Variants in NAA11 observed in about 807,000 individuals in gnomAD.
The protein encoded by NAA11 is N-alpha-acetyltransferase 11.
In NAA11, 15 loss-of-function variants were observed where a neutral mutation model predicts 16.1. The observed-to-expected ratio is 0.93, with a 90% CI of 0.62 to 1.44. NAA11 has a LOEUF of 1.44. Among genes scored for constraint, NAA11 ranks in the 40% most tolerant of loss-of-function variants. The pLI, the probability that NAA11 is intolerant of heterozygous loss-of-function variation, is 0.00. For missense variants in NAA11, 298 were observed against 291.3 expected (o/e 1.02, Z -0.17); for synonymous variants, 122 against 112.4 (o/e 1.09, Z -0.54).
chr4:79,186,669 C>T, the NAA11 span, among the ~76,000 whole-genome samples: 1 of 151,856 alleles, frequency 6.6e-6, no homozygotes, highest in African/African-American at 2.4e-5. Flanking sequence ...GGAGGAGACA[C>T]TAATGATAAG....
chr4:79,166,833 G>C, the NAA11 span, among the ~76,000 whole-genome samples: 2 of 148,306 alleles, frequency 1.3e-5, no homozygotes, highest in Non-Finnish European at 3.0e-5. Context: ...ACCCCACTGC[G>C]CTCCAGCCTG....
At chr4:79,312,878 T>C (rs534801496), downstream of NAA11, among the ~76,000 whole-genome samples, 1 of 152,266 alleles carries the variant, frequency 6.6e-6, no homozygotes, top group African/African-American at 2.4e-5. Context: ...ACCATGTAAA[T>C]AGGAGATTAA....
the NAA11 span, among the ~76,000 whole-genome samples, chr4:79,192,798 G>A: frequency 7.4e-5 from 11 of 149,466 alleles, no homozygotes; most frequent in African/African-American, 2.4e-4. Flanking sequence ...CTGAGGAATC[G>A]CCACACTGAC....
At chr4:79,226,981 C>G (rs1260222835) in intron 2 of NAA11, among the ~76,000 whole-genome samples, 1 of 152,038 alleles carries the variant, frequency 6.6e-6, no homozygotes, top group Non-Finnish European at 1.5e-5. Context: ...ATTTCTAGTT[C>G]TAGATCCCTG....
intron 2 of NAA11, among the ~76,000 whole-genome samples, chr4:79,226,632 G>T (rs1256982206): frequency 2.9e-5 from 4 of 135,918 alleles, no homozygotes; most frequent in Non-Finnish European, 1.5e-5. Flanking sequence ...CCTGTGTCCA[G>T]GTGTTCTCAT....
intron 2 of NAA11, among the ~76,000 whole-genome samples, chr4:79,277,384 T>C (rs1722676830): frequency 6.6e-6 from 1 of 152,074 alleles, no homozygotes. Context: ...TCCTCCACCT[T>C]ATCCAGAGAA....
In NAA11 at chr4:79,231,033, A is replaced by G. The variant is rs558749346; in HGVS notation, c.*123-4763T>C. Among the ~76,000 whole-genome samples, 18 of 152,140 alleles carry G rather than the reference A, an allele frequency of 1.2e-4. No homozygotes were observed. In the East Asian group the frequency reaches 3.3e-3, roughly 28 times the overall value. On this transcript the variant is annotated intron_variant and NMD_transcript_variant, in intron 2 of 2. Coordinates refer to the NAA11 transcript ENST00000511542. ...TATCTTCTCTAAAACACTTCATGAG[A>G]GTAGGAATGTATCTGTGTTGTCAGA...
chr4:79,313,946 A>C (rs1723855871), downstream of NAA11, among the ~76,000 whole-genome samples: 1 of 152,162 alleles, frequency 6.6e-6, no homozygotes, highest in Admixed American at 6.5e-5. Context: ...CTCTGGAAAC[A>C]AATTGGGACA....
intron 2 of NAA11, among the ~76,000 whole-genome samples, chr4:79,278,330 T>A (rs1330974733): frequency 6.6e-6 from 1 of 152,124 alleles, no homozygotes. Flanking sequence ...TAAACACATC[T>A]TATTATTCCA....
At chr4:79,193,890 CTTTT>C in the NAA11 span, among the ~76,000 whole-genome samples, 405 of 152,250 alleles carry the variant, frequency 2.7e-3, 1 homozygote, top group Non-Finnish European at 4.6e-3. Flanking sequence ...TTTGTCTCTT[CTTTT>C]ATTTCATTGA....
chr4:79,318,420 A>G (rs1560475087), intron 1 of NAA11, among the ~76,000 whole-genome samples: 1 of 152,182 alleles, frequency 6.6e-6, no homozygotes, highest in Non-Finnish European at 1.5e-5. Context: ...TCCTTTAAAA[A>G]AATTTATTAT....
downstream of NAA11, among the ~76,000 whole-genome samples, chr4:79,315,699 C>T (rs1387570574): frequency 6.6e-6 from 1 of 151,928 alleles, no homozygotes; most frequent in Non-Finnish European, 1.5e-5. Flanking sequence ...AAAAAAATCA[C>T]TTTTCCTGTG....
the NAA11 span, among the ~76,000 whole-genome samples, chr4:79,181,883 A>G: frequency 2.0e-5 from 3 of 152,196 alleles, no homozygotes; most frequent in East Asian, 1.9e-4. Context: ...GTTGAAAATC[A>G]TCTTCTGATA....
chr4:79,175,290 C>T, the NAA11 span, among the ~76,000 whole-genome samples: 1 of 152,092 alleles, frequency 6.6e-6, no homozygotes, highest in Admixed American at 6.6e-5. Context: ...TGAATAAAAA[C>T]TGAAGATGGC....
rs1394913954 is a variant in NAA11 at position 79,317,163 on chromosome 4, C to G, written c.*641G>C. 2 of 152,132 alleles carry G rather than the reference C, an allele frequency of 1.3e-5. No homozygotes were observed. The highest frequency in any genetic ancestry group is 4.8e-5 in the African/African-American group (2 of 41,422). The allele number at this position is 152,132 out of a possible 1,614,324, so 9.4% of individuals were successfully genotyped here. On this transcript the variant is annotated 3_prime_UTR_variant, in exon 2 of 2. Coordinates refer to ENST00000286794, the MANE Select transcript of NAA11 (RefSeq NM_032693.3). ...ACCGTTTGTCCTTTTCTTAAAATCT[C>G]CAAGTTCTGATTGTACAGTAGAAGC... is the stretch of plus-strand genomic sequence containing the variant.
chr4:79,162,546 TG>T, the NAA11 span, among the ~76,000 whole-genome samples: 3 of 152,326 alleles, frequency 2.0e-5, no homozygotes, highest in South Asian at 6.2e-4. Context: ...GAATTGTAAA[TG>T]GTCTTATGGT....
chr4:79,202,623 T>TTATATATATATATATATATGTATA, the NAA11 span, among the ~76,000 whole-genome samples: 15 of 52,636 alleles, frequency 2.8e-4, no homozygotes, highest in African/African-American at 6.8e-4. Context: ...ATATATAGTT[T>TTATATATATATATATATATGTATA]TATATATATA....
chr4:79,242,550 T>C (rs1721722208), intron 2 of NAA11, among the ~76,000 whole-genome samples: 1 of 152,354 alleles, frequency 6.6e-6, no homozygotes, highest in Admixed American at 6.5e-5. Flanking sequence ...TATTTCTTCA[T>C]TGGACATTCT....
chr4:79,297,635 C>G (rs970202747), intron 1 of NAA11, among the ~76,000 whole-genome samples: 1 of 152,220 alleles, frequency 6.6e-6, no homozygotes, highest in African/African-American at 2.4e-5. Flanking sequence ...TGCACTCACT[C>G]GGGGTATTGC....
Sources: allele counts gnomAD v4.1 joint callset (sites outside exome capture counted in the v4.1 genomes callset), GRCh38; gene constraint gnomAD v4.1.1; transcripts MANE v1.5; gene names NCBI Gene and HGNC (gene_info 2026-07-23, HGNC 2026-07-21).